The following FAM178B variants were observed in gnomAD, a reference collection of about 807,000 sequenced individuals.
FAM178B encodes the protein protein FAM178B.
A neutral mutation model predicts 91.7 loss-of-function variants in FAM178B; 82 were observed. The observed-to-expected ratio is 0.89, with a 90% CI of 0.75 to 1.07. The LOEUF is 1.07. Among genes scored for constraint, FAM178B ranks in the 50% least tolerant of loss-of-function variants. The pLI, the probability that FAM178B is intolerant of heterozygous loss-of-function variation, is 0.00. For synonymous variants in FAM178B, 368 were observed against 359.4 expected, an observed-to-expected ratio of 1.02 and a Z score of -0.27; for missense variants, 769 against 846.7, an observed-to-expected ratio of 0.91 and a Z score of 1.14.
At chr2:96,967,249 A>G (rs753781055) in intron 5 of FAM178B, among the ~76,000 whole-genome samples, 2 of 152,118 alleles carry the variant, frequency 1.3e-5, no homozygotes, top group Non-Finnish European at 2.9e-5. Flanking sequence ...TCTGTTTCTA[A>G]GAATTTGGGC....
chr2:96,892,782 CCT>C (rs1203217058), intron 14 of FAM178B, among the ~76,000 whole-genome samples: 1 of 152,132 alleles, frequency 6.6e-6, no homozygotes, highest in Non-Finnish European at 1.5e-5. Flanking sequence ...CCCAGGCCTC[CCT>C]GAGTTCTGTT....
At chr2:96,970,209 GGA>G (rs2153375647) in intron 4 of FAM178B, among the ~76,000 whole-genome samples, 1 of 152,292 alleles carries the variant, frequency 6.6e-6, no homozygotes, top group African/African-American at 2.4e-5. Context: ...TGGCAGACAG[GGA>G]GAGAGCTAGT....
Position 96,962,044 on chromosome 2 carries a change from G to A in FAM178B, c.735-1604C>T, listed in dbSNP as rs553429056. 1.2e-4 allele frequency among the ~76,000 whole-genome samples: 18 copies of A among 152,264 alleles called. No homozygotes were observed. In the East Asian group the frequency reaches 1.5e-3, roughly 13 times the overall value. The stretch of plus-strand genomic sequence containing the variant: ...ATTATTAAAAGCCTAGGCCAGGTGC[G>A]GTGGCTCAGCACTATGGGAGGCTGA... On this transcript the variant is annotated intron_variant, in intron 5 of 16. Transcript: ENST00000490605.
intron 4 of FAM178B, 38 bp downstream of exon 4, chr2:96,970,678 A>G: frequency 1.3e-6 from 2 of 1,513,872 alleles, no homozygotes; most frequent in Non-Finnish European, 1.8e-6. Context: ...AACCCTGCAG[A>G]AATAAGCACC....
chr2:96,897,775 C>T, intron 13 of FAM178B: 1 of 160,508 alleles, frequency 6.2e-6, no homozygotes, highest in Non-Finnish European at 1.3e-5. Context: ...ACACAGCAGG[C>T]AGAGTAATTT....
rs2082426804 is a variant in FAM178B, at chr2:96,986,501, G to A, written c.-188C>T. 4.3e-6 allele frequency: 3 copies of A among 695,096 alleles called. No individual in the cohort carries two copies. Among genetic ancestry groups the A allele is most frequent in the Non-Finnish European group, 6.9e-6 (3 of 435,102 alleles). The allele number at this position is 695,096 out of a possible 1,614,324, so 43.1% of individuals were successfully genotyped here. A position where few individuals can be genotyped will look rare whatever the true frequency, so the allele number is the denominator to read the frequency against. ...GTGGAACCTAAAGATCCAGTTCTGG[G>A]GATTGAGTTCCGACTCCAAACCAAG... On this transcript the variant is annotated 5_prime_UTR_variant, in exon 1 of 17. Coordinates refer to ENST00000490605, the MANE Select transcript of FAM178B (RefSeq NM_001122646.3).
intron 14 of FAM178B, among the ~76,000 whole-genome samples, chr2:96,883,813 G>T (rs540812317): frequency 3.9e-5 from 6 of 152,196 alleles, no homozygotes; most frequent in Non-Finnish European, 1.5e-5. Context: ...GGAGCCAGGG[G>T]GGGTCCTCTT....
At chr2:96,975,904 C>T (rs1332583924) in intron 1 of FAM178B, among the ~76,000 whole-genome samples, 2 of 151,624 alleles carry the variant, frequency 1.3e-5, no homozygotes, top group South Asian at 2.1e-4. Context: ...TGAACCACCG[C>T]GCCCGATCTA....
chr2:96,882,230 CA>C (rs2080402484), intron 14 of FAM178B, among the ~76,000 whole-genome samples: 2 of 152,220 alleles, frequency 1.3e-5, no homozygotes, highest in Non-Finnish European at 2.9e-5. Flanking sequence ...GTCAGAGGAA[CA>C]AAACCTCAGT....
At chr2:96,908,219 T>C (rs1165964641) in intron 12 of FAM178B, among the ~76,000 whole-genome samples, 1 of 152,128 alleles carries the variant, frequency 6.6e-6, no homozygotes, top group Non-Finnish European at 1.5e-5. Flanking sequence ...TGGACGGGAA[T>C]AGACGGCGGG....
At chr2:96,927,810 A>G (rs1291924682) in intron 9 of FAM178B, among the ~76,000 whole-genome samples, 1 of 152,182 alleles carries the variant, frequency 6.6e-6, no homozygotes, top group Admixed American at 6.5e-5. Flanking sequence ...CCAGGAGGAC[A>G]CAGGGACACT....
rs1309655876 is a variant in FAM178B at position 96,980,099 on chromosome 2, A to T, written c.73+6142T>A. Among the ~76,000 whole-genome samples the T allele has an allele frequency of 2.6e-5, 4 of 152,004 alleles. No homozygotes were observed. The South Asian group carries it at 6.2e-4, about 24-fold the overall frequency. On this transcript the variant is annotated intron_variant, in intron 1 of 16. Transcript: ENST00000490605. ...TTTTTTGTTTGTTTTTTTGAGACAG[A>T]GTCTCTCTCTGTCACCCAGGCTGGA...
intron 9 of FAM178B, among the ~76,000 whole-genome samples, chr2:96,925,190 C>T (rs1244163984): frequency 2.6e-5 from 4 of 152,098 alleles, no homozygotes; most frequent in African/African-American, 7.2e-5. Context: ...TTTCTCAGCA[C>T]GGGGCACTCA....
At chr2:96,914,402 GAGA>G (rs775399463) in intron 12 of FAM178B, among the ~76,000 whole-genome samples, 47 of 152,306 alleles carry the variant, frequency 3.1e-4, no homozygotes, top group African/African-American at 9.9e-4. Context: ...CAGGGACAGG[GAGA>G]AGAAGAGCAG....
intron 14 of FAM178B, among the ~76,000 whole-genome samples, chr2:96,880,998 C>T (rs563710101): frequency 2.6e-5 from 4 of 152,024 alleles, no homozygotes; most frequent in Admixed American, 2.0e-4. Context: ...GAAAAGCAGC[C>T]GAGACCCAGG....
Position 96,909,596 on chromosome 2 carries a change from T to G in FAM178B, c.1563-6889A>C, listed in dbSNP as rs560196526. On this transcript the variant is annotated intron_variant, in intron 12 of 16. Transcript: ENST00000490605. ...TCCCTTTCAAGTGCGACACTCGGAGTTGAGGCTGATGCTCATTTTCTTGGC... is the reference window on the plus strand; with the variant it reads ...TCCCTTTCAAGTGCGACACTCGGAGGTGAGGCTGATGCTCATTTTCTTGGC... Among the ~76,000 whole-genome samples the G allele has an allele frequency of 3.2e-4, 49 of 152,266 alleles. No homozygotes were observed. The South Asian group carries it at 4.8e-3, about 15-fold the overall frequency.
intron 5 of FAM178B, among the ~76,000 whole-genome samples, chr2:96,966,284 A>G (rs1450030226): frequency 6.6e-6 from 1 of 150,446 alleles, no homozygotes; most frequent in Non-Finnish European, 1.5e-5. Context: ...CACAGCCCAC[A>G]CCCTTCCCAG....
chr2:96,986,464 A>G lies in FAM178B; in HGVS notation c.-151T>C. On this transcript the variant is annotated 5_prime_UTR_variant, in exon 1 of 17. Coordinates refer to ENST00000490605, the MANE Select transcript of FAM178B (RefSeq NM_001122646.3). ...CCCCAAGAGTTGCGTCCCTAGATCC[A>G]GGGCCGCCAACGTGGAACCTAAAGA... is the stretch of plus-strand genomic sequence containing the variant. The G allele has an allele frequency of 1.1e-6, 1 of 876,276 alleles. No individual in the cohort carries two copies. Among genetic ancestry groups the G allele is most frequent in the Non-Finnish European group, 1.7e-6 (1 of 595,070 alleles). 54.3% of individuals were successfully genotyped at this position (876,276 alleles called of 1,614,324 possible).
chr2:96,972,102 C>G lies in FAM178B; in HGVS notation c.363G>C (p.Arg121Ser). Residue 121 changes from arginine to serine, a missense_variant, in exon 3 of 17, where the codon AGG becomes AGC. Arg to Ser is a moderately radical substitution (Grantham distance 110). Coordinates refer to ENST00000490605, the MANE Select transcript of FAM178B (RefSeq NM_001122646.3). ...SPPPVEFLNP[R>S]VLQASREAPA... ...GGGCCTCCCGACTGGCCTGCAGCACCCTCGGGTTGAGGAATTCCACGGGCG... is the reference window on the plus strand; with the variant it reads ...GGGCCTCCCGACTGGCCTGCAGCACGCTCGGGTTGAGGAATTCCACGGGCG... 6.6e-7 allele frequency: 1 copy of G among 1,524,278 alleles called. No homozygotes were observed. The highest frequency in any genetic ancestry group is 8.8e-7 in the Non-Finnish European group (1 of 1,133,666). The allele number at this position is 1,524,278 out of a possible 1,614,324, so 94.4% of individuals were successfully genotyped here.
Sources: gnomAD v4.1 joint callset for allele counts (sites outside exome capture counted in the v4.1 genomes callset) on GRCh38, gnomAD v4.1.1 for gene constraint, MANE v1.5 for transcripts, NCBI Gene and HGNC (gene_info 2026-07-23, HGNC 2026-07-21) for gene names.